Variants in DCUN1D4 observed in about 807,000 individuals in gnomAD.
DCUN1D4 encodes the protein defective in cullin neddylation 1 domain containing 4, also known as DCN1-like protein 4.
DCUN1D4 carries 22 observed loss-of-function variants against 47.9 expected under a neutral mutation model. The observed-to-expected ratio is 0.46, with a 90% confidence interval of 0.33 to 0.66. The LOEUF (loss-of-function observed/expected upper bound fraction) is 0.66, where lower values mean the gene tolerates loss of function less well. DCUN1D4 is among the 30% of genes least tolerant of loss of function. The pLI is 0.02. For missense variants in DCUN1D4, 301 were observed against 340.8 expected (o/e 0.88, Z 0.92); for synonymous variants, 121 against 112.2 (o/e 1.08, Z -0.50).
rs1734093976 is a variant in DCUN1D4, at chr4:51,914,140, A to G, written c.*556A>G. ...ATCATTTGGTATACTTAACAATATT[A>G]GTGTTTTAAAATGATGAGTTATAAT... On this transcript the variant is annotated 3_prime_UTR_variant, in exon 11 of 11. Transcript: ENST00000334635. The G allele has an allele frequency of 6.6e-6, 1 of 152,508 alleles. No homozygotes were observed. The highest frequency in any genetic ancestry group is 1.5e-5 in the Non-Finnish European group (1 of 68,250). 9.4% of individuals were successfully genotyped at this position (152,508 alleles called of 1,614,324 possible). A position where few individuals can be genotyped will look rare whatever the true frequency, so the allele number is the denominator to read the frequency against.
rs1386574857 is a variant in DCUN1D4, at chr4:51,874,355, A to T, written c.221A>T (p.Asp74Val). Residue 74 changes from aspartate (D) to valine (V), a missense_variant, in exon 4 of 11, where the codon GAT becomes GTT. Asp to Val is a radical substitution (Grantham distance 152). Around this residue, in one of 2 missense-constraint regions of DCUN1D4, gnomAD observed 131 missense variants for 106.3 expected, o/e 1.23. Transcript: ENST00000334635. ...RKKRRPASGD[D>V]LSAKKSRHDS... ...AAGAGAAGACCTGCCTCTGGAGATG[A>T]TTTATCTGCCAAGAAAAGTAGACAT... The T allele has an allele frequency of 2.5e-6, 4 of 1,613,740 alleles. No homozygotes were observed. Among genetic ancestry groups the T allele is most frequent in the African/African-American group, 1.3e-5 (1 of 74,994 alleles).
At chr4:51,880,272 A>C (rs1206781035) in intron 5 of DCUN1D4, among the ~76,000 whole-genome samples, 1 of 152,198 alleles carries the variant, frequency 6.6e-6, no homozygotes, top group Non-Finnish European at 1.5e-5. Context: ...ACAGGCTGTG[A>C]TGCCACAGAC....
intron 8 of DCUN1D4, among the ~76,000 whole-genome samples, chr4:51,906,014 C>A (rs553405384): frequency 6.6e-6 from 1 of 151,922 alleles, no homozygotes; most frequent in Non-Finnish European, 1.5e-5. Context: ...AGAAGGGGAA[C>A]GAGTGAAAGG....
At chr4:51,845,261 A>G (rs950794254) in intron 1 of DCUN1D4, 1 of 985,320 alleles carries the variant, frequency 1.0e-6, no homozygotes. Context: ...TAACCCTTGT[A>G]ACGATAATAT....
At chr4:51,836,635 A>G in the DCUN1D4 span, among the ~76,000 whole-genome samples, 1 of 152,176 alleles carries the variant, frequency 6.6e-6, no homozygotes, top group South Asian at 2.1e-4. Flanking sequence ...AATCTGCTTA[A>G]TCATGGGTTT....
intron 3 of DCUN1D4, among the ~76,000 whole-genome samples, chr4:51,873,074 AC>A (rs1216308137): frequency 6.6e-6 from 1 of 152,206 alleles, no homozygotes; most frequent in African/African-American, 2.4e-5. Context: ...GACTGATAGA[AC>A]CACATAGGTG....
intron 1 of DCUN1D4, among the ~76,000 whole-genome samples, chr4:51,859,210 G>A (rs577362507): frequency 6.6e-6 from 1 of 152,218 alleles, no homozygotes; most frequent in South Asian, 2.1e-4. Context: ...TTCTATTCCA[G>A]AAATATCTCT....
At chr4:51,839,053 CGACAGAGTGAGACTCCGTCTCAAAAGA>C (rs1560437301), upstream of DCUN1D4, among the ~76,000 whole-genome samples, 1 of 150,474 alleles carries the variant, frequency 6.6e-6, no homozygotes. Context: ...CCAGCCTGGG[CGACAGAGTGAGACTCCGTCTCAAAAGA>C]GACAGAGAGA....
intron 1 of DCUN1D4, among the ~76,000 whole-genome samples, chr4:51,860,156 T>C (rs1156404058): frequency 1.3e-5 from 2 of 152,194 alleles, no homozygotes; most frequent in African/African-American, 4.8e-5. Context: ...TCTCCTTATG[T>C]TGATGAGACG....
chr4:51,876,402 C>CA (rs1472734547), intron 4 of DCUN1D4, among the ~76,000 whole-genome samples: 1 of 151,336 alleles, frequency 6.6e-6, no homozygotes, highest in Admixed American at 6.6e-5. Flanking sequence ...GAACATCACA[C>CA]ACCGGGGGGC....
At chr4:51,900,955 G>A (rs1016718454) in intron 8 of DCUN1D4, among the ~76,000 whole-genome samples, 2 of 152,008 alleles carry the variant, frequency 1.3e-5, no homozygotes, top group Non-Finnish European at 2.9e-5. Flanking sequence ...CCTGGCTAAC[G>A]TCCTGTTCTG....
At chr4:51,905,240 G>T (rs1732697507) in intron 8 of DCUN1D4, 4 of 453,914 alleles carry the variant, frequency 8.8e-6, no homozygotes, top group Non-Finnish European at 1.8e-5. Flanking sequence ...ATCTGGTCCA[G>T]GCCTGTCAAT....
intron 7 of DCUN1D4, among the ~76,000 whole-genome samples, chr4:51,893,257 T>C (rs893792297): frequency 6.6e-6 from 1 of 152,202 alleles, no homozygotes; most frequent in Non-Finnish European, 1.5e-5. Flanking sequence ...TTTACAAATA[T>C]ACTTTCCTAT....
intron 3 of DCUN1D4, among the ~76,000 whole-genome samples, chr4:51,865,747 G>T (rs188159489): frequency 7.9e-5 from 12 of 152,252 alleles, no homozygotes; most frequent in Admixed American, 7.8e-4. Context: ...CTCTAAATTG[G>T]TTCAGAATCA....
At chr4:51,870,641 C>T (rs1726742856) in intron 3 of DCUN1D4, among the ~76,000 whole-genome samples, 1 of 152,028 alleles carries the variant, frequency 6.6e-6, no homozygotes, top group Non-Finnish European at 1.5e-5. Flanking sequence ...GTATTAGCTG[C>T]TGAGTATGCA....
intron 8 of DCUN1D4, chr4:51,909,036 G>C (rs1037983039): frequency 2.2e-6 from 1 of 455,596 alleles, no homozygotes; most frequent in Admixed American, 2.4e-5. Flanking sequence ...TCCGTGTTTT[G>C]GCATCACTGC....
intron 1 of DCUN1D4, chr4:51,844,383 G>A: frequency 1.0e-6 from 1 of 984,820 alleles, no homozygotes; most frequent in African/African-American, 1.7e-5. Context: ...GGTTCCCCCC[G>A]GACGGCGGGA....
chr4:51,860,480 G>A, intron 1 of DCUN1D4: 1 of 424,880 alleles, frequency 2.4e-6, no homozygotes, highest in Non-Finnish European at 4.7e-6. Context: ...TTACTATAAA[G>A]AAATACCTGA....
chr4:51,885,475 T>C (rs1435490340), intron 5 of DCUN1D4, among the ~76,000 whole-genome samples: 15 of 152,156 alleles, frequency 9.9e-5, no homozygotes, highest in South Asian at 4.1e-4. Context: ...TCGAGAGACA[T>C]TGGGCTCCGT....
Sources: gnomAD v4.1 joint callset for allele counts (sites outside exome capture counted in the v4.1 genomes callset) on GRCh38, gnomAD v4.1.1 for gene constraint, gnomAD v4.1.1 regional missense constraint, MANE v1.5 for transcripts, NCBI Gene and HGNC (gene_info 2026-07-23, HGNC 2026-07-21) for gene names.